The following LRCH2 variants were observed in gnomAD, a reference collection of about 807,000 sequenced individuals.
LRCH2 encodes the protein leucine-rich repeat and calponin homology domain-containing protein 2.
LRCH2 carries 38 observed loss-of-function variants against 68.9 expected under a neutral mutation model. The observed-to-expected ratio is 0.55, with a 90% CI of 0.43 to 0.72. The LOEUF is 0.72. Ranked by LOEUF, LRCH2 falls within the 30% of genes least tolerant of loss-of-function variation. The probability of loss-of-function intolerance (pLI) is 0.00; values close to 1 mark genes in which losing one functional copy is unlikely to be tolerated. For missense variants in LRCH2, 528 were observed against 572.9 expected (o/e 0.92, Z 0.80); for synonymous variants, 191 against 208.1 (o/e 0.92, Z 0.71).
At chrX:115,225,793 T>C (rs1305670395) in intron 1 of LRCH2, among the ~76,000 whole-genome samples, 1 of 109,949 alleles carries the variant, frequency 9.1e-6, no homozygotes, top group Non-Finnish European at 1.9e-5. Flanking sequence ...AATGAAAAGC[T>C]ATTTCACAGT....
intron 10 of LRCH2, among the ~76,000 whole-genome samples, chrX:115,165,049 C>T (rs1050743400): frequency 1.4e-4 from 15 of 110,503 alleles, no homozygotes; most frequent in African/African-American, 4.6e-4. Context: ...TTTAAAACTC[C>T]TGGTTTCAGT....
intron 6 of LRCH2, 87 bp from the exon 7 acceptor site, chrX:115,166,429 C>T (rs2072560485): frequency 1.8e-6 from 1 of 564,779 alleles, no homozygotes; most frequent in Non-Finnish European, 2.9e-6. Context: ...CTAGATAATA[C>T]AGAATATATA....
intron 12 of LRCH2, 58 bp downstream of exon 12, chrX:115,156,544 T>A: frequency 1.3e-6 from 1 of 783,557 alleles, no homozygotes; most frequent in Non-Finnish European, 1.8e-6. Flanking sequence ...AACATCACTG[T>A]CAAAGGATCA....
At position 115,202,671 on chromosome X, in the gene LRCH2, C is replaced by T. The variant is rs188773690; in HGVS notation, c.350-14301G>A. 3.6e-5 allele frequency among the ~76,000 whole-genome samples: 4 copies of T among 112,208 alleles called. No homozygotes were observed. The Admixed American group carries it at 3.8e-4, about 11-fold the overall frequency. ...TGTCTACACAAAGTCTTCACACTAA[C>T]ATTTATAGCAGCCTTATTCATAATT... On this transcript the variant is annotated intron_variant, in intron 1 of 20. Coordinates refer to ENST00000317135, the MANE Select transcript of LRCH2 (RefSeq NM_020871.4).
Position 115,111,673 on chromosome X carries a change from A to G in LRCH2, c.*1543T>C, listed in dbSNP as rs2072044418. On this transcript the variant is annotated 3_prime_UTR_variant, in exon 21 of 21. Transcript: ENST00000317135. ...AAGCTTTAATTCTTTAAAAGCTCCA[A>G]TTTGACCCTTGGGGAATGTAATGAA... 9.0e-6 allele frequency: 1 copy of G among 111,729 alleles called. No homozygotes were observed. The highest frequency in any genetic ancestry group is 9.6e-5 in the Admixed American group (1 of 10,376). The allele number at this position is 111,729 out of a possible 1,213,427, so 9.2% of individuals were successfully genotyped here. A position where few individuals can be genotyped will look rare whatever the true frequency, so the allele number is the denominator to read the frequency against.
intron 20 of LRCH2, among the ~76,000 whole-genome samples, chrX:115,118,075 A>C (rs912095487): frequency 9.0e-6 from 1 of 110,741 alleles, no homozygotes; most frequent in African/African-American, 3.3e-5. Flanking sequence ...AAATGACATA[A>C]TATTAGTGAG....
rs1322308193 is a variant in LRCH2, at chrX:115,111,184, G to A, written c.*2032C>T. 9.0e-6 allele frequency: 1 copy of A among 111,255 alleles called. No homozygotes were observed. The highest frequency in any genetic ancestry group is 1.9e-5 in the Non-Finnish European group (1 of 53,011). The allele number at this position is 111,255 out of a possible 1,213,427, so 9.2% of individuals were successfully genotyped here. A position where few individuals can be genotyped will look rare whatever the true frequency, so the allele number is the denominator to read the frequency against. ...CTGCCATGATGTGGACCTCAGAGAA[G>A]CCCATCTTAAATTGAATTTTGCTCT... On this transcript the variant is annotated 3_prime_UTR_variant, in exon 21 of 21. Transcript: ENST00000317135.
intron 1 of LRCH2, among the ~76,000 whole-genome samples, chrX:115,222,438 G>T (rs929924811): frequency 9.0e-6 from 1 of 111,569 alleles, no homozygotes; most frequent in Admixed American, 9.5e-5. Context: ...GAAATAAAAG[G>T]CTCCAGATTT....
intron 5 of LRCH2, among the ~76,000 whole-genome samples, chrX:115,171,682 G>GTT (rs1232183924): frequency 2.0e-5 from 2 of 101,677 alleles, no homozygotes; most frequent in Non-Finnish European, 4.0e-5. Context: ...TTGTTTTTTT[G>GTT]TTTTTTTTTT....
chrX:115,209,991 A>G (rs1366538559), intron 1 of LRCH2, among the ~76,000 whole-genome samples: 4 of 111,461 alleles, frequency 3.6e-5, no homozygotes, highest in Non-Finnish European at 5.7e-5. Flanking sequence ...AAAGCATTCA[A>G]GAGGTGACTT....
intron 1 of LRCH2, among the ~76,000 whole-genome samples, chrX:115,211,540 CT>C (rs1413626568): frequency 8.9e-6 from 1 of 111,997 alleles, no homozygotes; most frequent in Non-Finnish European, 1.9e-5. Context: ...CAAAGATAGA[CT>C]GAATGACATG....
At chrX:115,146,462 A>G (rs1228472489) in intron 14 of LRCH2, among the ~76,000 whole-genome samples, 1 of 111,204 alleles carries the variant, frequency 9.0e-6, no homozygotes, top group Non-Finnish European at 1.9e-5. Flanking sequence ...TGTTTGAAGG[A>G]ATAGATACCC....
intron 15 of LRCH2, 53 bp downstream of exon 15, chrX:115,130,102 C>T: frequency 1.3e-6 from 1 of 740,795 alleles, no homozygotes; most frequent in Non-Finnish European, 1.9e-6. Context: ...ACTGAGCCAA[C>T]TTCATATGAT....
intron 7 of LRCH2, 134 bp from the exon 8 acceptor site, chrX:115,166,086 G>A: frequency 1.6e-6 from 1 of 611,683 alleles, no homozygotes; most frequent in Non-Finnish European, 2.5e-6. Context: ...ATTAACATAA[G>A]GTTTACTGCT....
At chrX:115,122,403 G>T (rs2072151396) in intron 20 of LRCH2, 124 bp downstream of exon 20, 1 of 510,883 alleles carries the variant, frequency 2.0e-6, no homozygotes, top group Admixed American at 3.9e-5. Context: ...TTAGGAGAAG[G>T]TACCAAGAGA....
chrX:115,136,184 C>T (rs782174327), intron 14 of LRCH2, among the ~76,000 whole-genome samples: 20 of 111,543 alleles, frequency 1.8e-4, no homozygotes, highest in African/African-American at 5.2e-4. Context: ...TAATAGGTAT[C>T]CAAGTAAGGA....
At chrX:115,216,083 A>G (rs1054235441) in intron 1 of LRCH2, among the ~76,000 whole-genome samples, 4 of 112,178 alleles carry the variant, frequency 3.6e-5, no homozygotes. Flanking sequence ...ATGTCCAACA[A>G]TAAGATAAAG....
chrX:115,168,064 G>A (rs1285089842), intron 6 of LRCH2, among the ~76,000 whole-genome samples: 1 of 111,845 alleles, frequency 8.9e-6, no homozygotes, highest in Admixed American at 9.5e-5. Context: ...GAGGACCAGA[G>A]ACATTAATAC....
intron 11 of LRCH2, among the ~76,000 whole-genome samples, chrX:115,162,652 T>C (rs1212085850): frequency 3.6e-5 from 4 of 111,887 alleles, no homozygotes; most frequent in Non-Finnish European, 7.5e-5. Flanking sequence ...TTAGCTATTA[T>C]ATAGATTGCC....
Sources: allele counts gnomAD v4.1 joint callset (sites outside exome capture counted in the v4.1 genomes callset), GRCh38; gene constraint gnomAD v4.1.1; transcripts MANE v1.5; gene names NCBI Gene and HGNC (gene_info 2026-07-23, HGNC 2026-07-21).